NDUFV2: variants seen among roughly 807,000 people sequenced by gnomAD.
NDUFV2 encodes the protein NADH dehydrogenase [ubiquinone] flavoprotein 2, mitochondrial.
NDUFV2 carries 18 observed loss-of-function variants against 31.6 expected under a neutral mutation model. The observed-to-expected ratio is 0.57, with a 90% CI of 0.39 to 0.84. The LOEUF is 0.84. Among genes scored for constraint, NDUFV2 ranks in the 40% least tolerant of loss-of-function variants. NDUFV2 has a pLI of 0.00. For missense variants in NDUFV2, 314 were observed against 303.6 expected, an observed-to-expected ratio of 1.03 and a Z score of -0.26; for synonymous variants, 83 against 99.8, an observed-to-expected ratio of 0.83 and a Z score of 1.01.
At chr18:9,121,874 A>G (rs953132177) in intron 4 of NDUFV2, among the ~76,000 whole-genome samples, 5 of 152,222 alleles carry the variant, frequency 3.3e-5, no homozygotes, top group Non-Finnish European at 7.3e-5. Flanking sequence ...ATATGATTCA[A>G]CTTTCAAAAG....
intron 4 of NDUFV2, 85 bp downstream of exon 4, chr18:9,119,675 TC>T: frequency 8.9e-7 from 1 of 1,123,558 alleles, no homozygotes; most frequent in Non-Finnish European, 1.4e-6. Context: ...TCTGATCATC[TC>T]CAGTGTCAGA....
intron 5 of NDUFV2, 95 bp downstream of exon 5, chr18:9,122,776 C>A: frequency 8.3e-7 from 1 of 1,206,148 alleles, no homozygotes; most frequent in Non-Finnish European, 1.2e-6. Context: ...CTTCTGCCAT[C>A]TTATTGGATC....
intron 1 of NDUFV2, among the ~76,000 whole-genome samples, chr18:9,114,894 C>T (rs1445289513): frequency 6.6e-6 from 1 of 152,090 alleles, no homozygotes; most frequent in Non-Finnish European, 1.5e-5. Context: ...CAACATAAGC[C>T]TAAAGAATAA....
chr18:9,133,935 C>T (rs981749834), intron 7 of NDUFV2, among the ~76,000 whole-genome samples: 1 of 151,946 alleles, frequency 6.6e-6, no homozygotes, highest in Non-Finnish European at 1.5e-5. Flanking sequence ...GCATACTGCT[C>T]AGTAAATAGG....
At chr18:9,122,767 T>C in intron 5 of NDUFV2, 86 bp downstream of exon 5, 1 of 1,364,138 alleles carries the variant, frequency 7.3e-7, no homozygotes, top group Non-Finnish European at 1.0e-6. Context: ...AATTTCCAAC[T>C]TCTGCCATCT....
chr18:9,124,144 G>A (rs1444776606), intron 5 of NDUFV2, among the ~76,000 whole-genome samples: 5 of 150,714 alleles, frequency 3.3e-5, no homozygotes, highest in Admixed American at 3.3e-4. Flanking sequence ...AAAGGAACAA[G>A]TCCACTAAAA....
chr18:9,110,502 T>G (rs1183441264), intron 1 of NDUFV2, among the ~76,000 whole-genome samples: 1 of 152,186 alleles, frequency 6.6e-6, no homozygotes, highest in African/African-American at 2.4e-5. Context: ...TCTTTCTTTA[T>G]TGTTTGTTTA....
intron 1 of NDUFV2, among the ~76,000 whole-genome samples, chr18:9,104,730 C>G (rs1173554264): frequency 6.6e-6 from 1 of 151,858 alleles, no homozygotes; most frequent in Non-Finnish European, 1.5e-5. Context: ...CACCCTCCCC[C>G]CTTTTTTAAA....
chr18:9,119,184 T>C, intron 2 of NDUFV2, 142 bp from the exon 3 acceptor site: 1 of 700,050 alleles, frequency 1.4e-6, no homozygotes, highest in Admixed American at 2.4e-5. Flanking sequence ...AGACATTCTT[T>C]TTGATGGAAG....
At chr18:9,134,064 C>T (rs1433158380) in intron 7 of NDUFV2, 122 bp from the exon 8 acceptor site, 1 of 668,298 alleles carries the variant, frequency 1.5e-6, no homozygotes, top group Non-Finnish European at 2.7e-6. Flanking sequence ...ATTAAATAAT[C>T]TATGCTAGTT....
chr18:9,116,299 T>C (rs2077897507), intron 1 of NDUFV2, among the ~76,000 whole-genome samples: 1 of 151,984 alleles, frequency 6.6e-6, no homozygotes, highest in Non-Finnish European at 1.5e-5. Flanking sequence ...AAACAGAAAA[T>C]GTTAGTGTTC....
intron 3 of NDUFV2, 40 bp downstream of exon 3, chr18:9,119,428 G>T (rs758211188): frequency 6.2e-7 from 1 of 1,602,544 alleles, no homozygotes. Context: ...TACCAAATAG[G>T]TAATATTTTC....
intron 7 of NDUFV2, 149 bp downstream of exon 7, chr18:9,127,056 A>G: frequency 1.4e-6 from 1 of 728,350 alleles, no homozygotes; most frequent in Non-Finnish European, 2.4e-6. Flanking sequence ...ATCTAGAGCA[A>G]GAATAATTTT....
chr18:9,133,956 A>G (rs2078062453), intron 7 of NDUFV2, among the ~76,000 whole-genome samples: 1 of 152,218 alleles, frequency 6.6e-6, no homozygotes, highest in African/African-American at 2.4e-5. Flanking sequence ...AACTATTATT[A>G]GGGCTACTTT....
chr18:9,113,961 C>T (rs189144253), intron 1 of NDUFV2, among the ~76,000 whole-genome samples: 3 of 152,314 alleles, frequency 2.0e-5, no homozygotes, highest in East Asian at 1.9e-4. Flanking sequence ...ATGGGAGTGA[C>T]ATGGAACAGC....
rs1372447496 is a variant in NDUFV2, at chr18:9,104,850, A to G, written c.54+2053A>G. The stretch of plus-strand genomic sequence containing the variant: ...GTGTAGAAAAAACAATACTGAGACT[A>G]GCAAGTAGAGTAAGCTCAAAAAATA... On this transcript the variant is annotated intron_variant, in intron 1 of 7. Transcript: ENST00000318388. 3.3e-5 allele frequency: 44 copies of G among 1,341,292 alleles called. No individual in the cohort carries two copies. The East Asian group carries it at 1.1e-3, about 32-fold the overall frequency. The allele number at this position is 1,341,292 out of a possible 1,614,324, so 83.1% of individuals were successfully genotyped here.
Position 9,134,274 on chromosome 18 carries a change from CTTTAA to C in NDUFV2, c.750_*4del, listed in dbSNP as rs2078065432. 2 of 1,607,926 alleles carry C rather than the reference CTTTAA, an allele frequency of 1.2e-6. No individual in the cohort carries two copies. The highest frequency in any genetic ancestry group is 2.7e-5 in the African/African-American group (2 of 74,764). On this transcript the variant is annotated frameshift_variant and stop_lost, in exon 8 of 8. Coordinates refer to ENST00000318388, the MANE Select transcript of NDUFV2 (RefSeq NM_021074.5). LOFTEE classifies it high-confidence loss of function. ...ACCTGGATTTGGTGTACAAGCAGGC[CTTTAA>C]TTTATATTGAACTGTAAATATGTCA...
chr18:9,121,495 A>G (rs1439232532), intron 4 of NDUFV2: 1 of 152,210 alleles, frequency 6.6e-6, no homozygotes, highest in Non-Finnish European at 1.5e-5. Flanking sequence ...ATCTGTCACA[A>G]GTGAGCCATG....
At chr18:9,124,703 C>T (rs1283211880) in intron 5 of NDUFV2, among the ~76,000 whole-genome samples, 171 bp from the exon 6 acceptor site, 1 of 152,102 alleles carries the variant, frequency 6.6e-6, no homozygotes, top group Non-Finnish European at 1.5e-5. Context: ...CCACCCCAGC[C>T]TCCCAAAGTG....
Sources: gnomAD v4.1 joint callset for allele counts (sites outside exome capture counted in the v4.1 genomes callset) on GRCh38, gnomAD v4.1.1 for gene constraint, MANE v1.5 for transcripts, NCBI Gene and HGNC (gene_info 2026-07-23, HGNC 2026-07-21) for gene names.